The following KANSL1 variants were observed in gnomAD, a reference collection of about 807,000 sequenced individuals.
KANSL1 encodes KAT8 regulatory NSL complex subunit 1.
Under a neutral mutation model 103.6 loss-of-function variants are expected in KANSL1, and 22 were observed. The observed-to-expected ratio is 0.21, with a 90% CI of 0.15 to 0.30. The LOEUF is 0.30. Ranked by LOEUF, KANSL1 falls within the 10% of genes least tolerant of loss-of-function variation. The pLI is 1.00. For missense variants in KANSL1, 1,337 were observed against 1,399.8 expected (o/e 0.96, Z 0.72); for synonymous variants, 600 against 527.6 (o/e 1.14, Z -1.88).
intron 6 of KANSL1, among the ~76,000 whole-genome samples, chr17:46,066,023 AT>A (rs2078363167): frequency 6.6e-6 from 1 of 152,030 alleles, no homozygotes; most frequent in African/African-American, 2.4e-5. Context: ...ACCATGCTTA[AT>A]TTTTAAATAC....
At chr17:46,183,077 A>C (rs2046862543) in intron 1 of KANSL1, among the ~76,000 whole-genome samples, 2 of 152,234 alleles carry the variant, frequency 1.3e-5, no homozygotes, top group African/African-American at 4.8e-5. Flanking sequence ...CAGGCTGAGA[A>C]GTAGGCGGAG....
chr17:46,046,316 T>C (rs996875605), intron 7 of KANSL1, among the ~76,000 whole-genome samples: 12 of 151,280 alleles, frequency 7.9e-5, no homozygotes, highest in Admixed American at 1.3e-4. Context: ...GGTAGATCGC[T>C]TGGGCCCAAG....
Position 46,039,075 on chromosome 17 carries a change from T to C in KANSL1, c.2344A>G (p.Asn782Asp). ...TCTCGCAATCTCATTTTGCTGTGGT[T>C]TGGGTCATGCACGGGTGGTGGTGGG... ...LNPPPPVHDP[N>D]HSKMRLRDHS... is the part of the protein sequence containing the mutation. Residue 782 changes from asparagine (N) to aspartate (D), a missense_variant, in exon 9 of 15, where the codon AAC (asparagine) becomes GAC (aspartate). Physicochemically the swap from Asn to Asp is conservative, Grantham distance 23. Coordinates refer to ENST00000432791, the MANE Select transcript of KANSL1 (RefSeq NM_015443.4). 6.2e-7 allele frequency: 1 copy of C among 1,612,458 alleles called. No homozygotes were observed. Among genetic ancestry groups the C allele is most frequent in the Non-Finnish European group, 8.5e-7 (1 of 1,179,832 alleles).
chr17:46,117,388 G>A (rs1018560627), intron 2 of KANSL1, among the ~76,000 whole-genome samples: 3 of 152,198 alleles, frequency 2.0e-5, no homozygotes, highest in Non-Finnish European at 2.9e-5. Flanking sequence ...TTCCAGTAAC[G>A]TAAATTCCAA....
At chr17:46,203,214 C>T (rs959445257) in intron 1 of KANSL1, among the ~76,000 whole-genome samples, 2 of 152,126 alleles carry the variant, frequency 1.3e-5, no homozygotes, top group Non-Finnish European at 2.9e-5. Context: ...GCACTCCAGC[C>T]TGAACGACAG....
chr17:46,052,584 G>A (rs924870832), intron 6 of KANSL1, among the ~76,000 whole-genome samples: 10 of 150,970 alleles, frequency 6.6e-5, no homozygotes, highest in Non-Finnish European at 1.3e-4. Flanking sequence ...CAGCCTGGGC[G>A]ACAGAATGAG....
intron 10 of KANSL1, chr17:46,035,067 G>T (rs2077108782): frequency 6.6e-6 from 1 of 152,254 alleles, no homozygotes; most frequent in African/African-American, 2.4e-5. Context: ...AGCATCTACA[G>T]TAGCTGGGAG....
intron 6 of KANSL1, among the ~76,000 whole-genome samples, chr17:46,052,191 GA>G (rs965656310): frequency 1.3e-5 from 2 of 152,130 alleles, no homozygotes; most frequent in Non-Finnish European, 2.9e-5. Flanking sequence ...AAATTACACT[GA>G]AACTTTCAAT....
At chr17:46,080,795 C>T (rs994474311) in intron 4 of KANSL1, among the ~76,000 whole-genome samples, 2 of 142,878 alleles carry the variant, frequency 1.4e-5, no homozygotes, top group African/African-American at 2.5e-5. Context: ...AGATAATTCA[C>T]GAAAACAGGG....
At chr17:46,061,975 C>A (rs1307011774) in intron 6 of KANSL1, among the ~76,000 whole-genome samples, 1 of 151,688 alleles carries the variant, frequency 6.6e-6, no homozygotes, top group Non-Finnish European at 1.5e-5. Context: ...GCCTGTGATC[C>A]CAGCTACTCA....
intron 2 of KANSL1, among the ~76,000 whole-genome samples, chr17:46,132,268 C>T (rs1443264567): frequency 6.6e-6 from 1 of 152,180 alleles, no homozygotes; most frequent in East Asian, 1.9e-4. Flanking sequence ...ACAATTTACC[C>T]AACCCTTTAA....
intron 1 of KANSL1, among the ~76,000 whole-genome samples, chr17:46,191,964 A>G (rs1484817210): frequency 6.7e-6 from 1 of 148,934 alleles, no homozygotes; most frequent in African/African-American, 2.5e-5. Flanking sequence ...TTTTATTAAT[A>G]AGTCACAGAA....
At chr17:46,032,471 T>C in intron 13 of KANSL1, 172 bp from the exon 14 acceptor site, 1 of 528,838 alleles carries the variant, frequency 1.9e-6, no homozygotes, top group Non-Finnish European at 3.2e-6. Context: ...GGGGTAGGTA[T>C]ACAACATTTA....
intron 2 of KANSL1, among the ~76,000 whole-genome samples, chr17:46,107,099 T>C (rs1179138828): frequency 6.6e-6 from 1 of 152,256 alleles, no homozygotes; most frequent in Non-Finnish European, 1.5e-5. Context: ...TGGCATTTCC[T>C]GGCTTCCAAG....
intron 2 of KANSL1, among the ~76,000 whole-genome samples, chr17:46,159,818 G>GA: frequency 1.3e-5 from 2 of 151,918 alleles, no homozygotes; most frequent in East Asian, 3.9e-4. Context: ...ATTTGATGGG[G>GA]AAAAACCTTT....
In KANSL1 at chr17:46,171,391, A is replaced by G; in HGVS notation, c.753T>C (p.Gly251=). 1 of 1,614,160 alleles carries G rather than the reference A, an allele frequency of 6.2e-7. No individual in the cohort carries two copies. The highest frequency in any genetic ancestry group is 8.5e-7 in the Non-Finnish European group (1 of 1,180,032). The change falls in exon 2 of 15, where the codon GGT becomes GGC. Residue 251 remains glycine (G), a synonymous_variant. Transcript: ENST00000432791. ...CCCCCAAGTTAGAGCTGGAGTCTGT[A>G]CCAGGTGATAATCTACTGCTTCCTT... ...ALQGSSRLSP[G]TDSSSNLGGV... is the part of the protein sequence containing the mutation.
intron 7 of KANSL1, chr17:46,041,866 T>C (rs571468264): frequency 6.7e-5 from 10 of 148,874 alleles, no homozygotes; most frequent in African/African-American, 2.6e-4. Context: ...CTAGAACTAT[T>C]AGAAATTTAT....
rs376444863 is a variant in KANSL1 at position 46,146,782 on chromosome 17, G to A, written c.1289+24073C>T. 2.2e-3 allele frequency among the ~76,000 whole-genome samples: 223 copies of A among 102,162 alleles called. 5 individuals are homozygous for A. Among genetic ancestry groups the A allele is most frequent in the African/African-American group, 6.5e-3 (216 of 33,296 alleles). 67.0% of individuals were successfully genotyped at this position (102,162 alleles called of 152,430 possible). On this transcript the variant is annotated intron_variant, in intron 2 of 14. Coordinates refer to ENST00000432791, the MANE Select transcript of KANSL1 (RefSeq NM_015443.4). ...CGGGAGGCGGAGCTTGCAGTGAGCC[G>A]AGATCCCGCCACTGCACTCCAGCCT...
At chr17:46,062,788 G>A (rs144452577) in intron 6 of KANSL1, among the ~76,000 whole-genome samples, 4,916 of 151,704 alleles carry the variant, frequency 0.032, 145 homozygotes, top group East Asian at 0.16. Flanking sequence ...GGTGGCTCAC[G>A]CCTGTAATCC....
Sources: gnomAD v4.1 joint callset for allele counts (sites outside exome capture counted in the v4.1 genomes callset) on GRCh38, gnomAD v4.1.1 for gene constraint, MANE v1.5 for transcripts, NCBI Gene and HGNC (gene_info 2026-07-23, HGNC 2026-07-21) for gene names.